CA6: variants seen among roughly 807,000 people sequenced by gnomAD.
The protein encoded by CA6 is carbonic anhydrase 6.
Under a neutral mutation model 35.9 loss-of-function variants are expected in CA6, and 28 were observed. That is an observed-to-expected ratio of 0.78 (90% CI 0.58 to 1.07). The LOEUF (loss-of-function observed/expected upper bound fraction) is 1.07, where lower values mean the gene tolerates loss of function less well. CA6 is among the 50% of genes least tolerant of loss of function. The probability of loss-of-function intolerance (pLI) is 0.00; values close to 1 mark genes in which losing one functional copy is unlikely to be tolerated. For synonymous variants in CA6, 148 were observed against 152.6 expected (o/e 0.97, Z 0.22); for missense variants, 377 against 382.0 (o/e 0.99, Z 0.11).
At chr1:8,958,191 A>G (rs1403143874) in intron 3 of CA6, among the ~76,000 whole-genome samples, 1 of 151,898 alleles carries the variant, frequency 6.6e-6, no homozygotes, top group East Asian at 1.9e-4. Flanking sequence ...TTCTTGAGAC[A>G]GAGTTTTGCT....
At chr1:8,962,547 TC>T (rs780117082) in intron 4 of CA6, 39 bp from the exon 5 acceptor site, 2 of 1,538,598 alleles carry the variant, frequency 1.3e-6, no homozygotes, top group Non-Finnish European at 1.8e-6. Context: ...TGCTGGGGCC[TC>T]TTCTTCACTT....
At chr1:8,973,024 C>A (rs12039348) in intron 7 of CA6, among the ~76,000 whole-genome samples, 1 of 152,180 alleles carries the variant, frequency 6.6e-6, no homozygotes, top group African/African-American at 2.4e-5. Context: ...ATGGGTCTGT[C>A]TCCTAATTCT....
intron 2 of CA6, among the ~76,000 whole-genome samples, chr1:8,955,774 C>A (rs1234546096): frequency 6.6e-6 from 1 of 151,668 alleles, no homozygotes; most frequent in Non-Finnish European, 1.5e-5. Context: ...CGGATTACTG[C>A]ATTATAGCAC....
chr1:8,964,697 A>C (rs1207093842), intron 5 of CA6, among the ~76,000 whole-genome samples: 1 of 152,152 alleles, frequency 6.6e-6, no homozygotes, highest in African/African-American at 2.4e-5. Context: ...CCCCTTGAAA[A>C]GGTCATAGAA....
At chr1:8,971,069 TA>T (rs2124193478) in intron 7 of CA6, 88 bp downstream of exon 7, 1 of 899,720 alleles carries the variant, frequency 1.1e-6, no homozygotes, top group South Asian at 1.3e-5. Context: ...TCTGGTGATA[TA>T]AGGGAAGGAG....
chr1:8,960,616 A>G (rs1448136266), intron 4 of CA6, among the ~76,000 whole-genome samples: 1 of 152,032 alleles, frequency 6.6e-6, no homozygotes, highest in South Asian at 2.1e-4. Context: ...CTGAGGCAGC[A>G]GAAGAAAAAA....
intron 7 of CA6, among the ~76,000 whole-genome samples, chr1:8,973,015 T>A (rs541071478): frequency 6.6e-6 from 1 of 152,086 alleles, no homozygotes; most frequent in Non-Finnish European, 1.5e-5. Flanking sequence ...CTTAGACTCA[T>A]GGGTCTGTCT....
intron 1 of CA6, 22 bp downstream of exon 1, chr1:8,945,987 G>A (rs774387619): frequency 5.2e-6 from 8 of 1,532,650 alleles, no homozygotes; most frequent in Non-Finnish European, 7.2e-6. Context: ...GCTTCTGCAT[G>A]CTCCCCCAGT....
chr1:8,968,093 G>A (rs1044694280), intron 6 of CA6, among the ~76,000 whole-genome samples: 5 of 147,430 alleles, frequency 3.4e-5, no homozygotes, highest in Non-Finnish European at 5.9e-5. Context: ...TCAGCCTCCC[G>A]AGTAGCTGGG....
intron 3 of CA6, among the ~76,000 whole-genome samples, chr1:8,957,760 G>T (rs957082453): frequency 1.4e-5 from 2 of 146,142 alleles, no homozygotes; most frequent in Non-Finnish European, 3.0e-5. Context: ...ATCAGCCTGG[G>T]CAATGTAGCG....
chr1:8,971,289 A>C (rs1396650615), intron 7 of CA6, among the ~76,000 whole-genome samples: 1 of 151,914 alleles, frequency 6.6e-6, no homozygotes, highest in Non-Finnish European at 1.5e-5. Context: ...AAGCTCTCAC[A>C]AGAGTGTAGG....
chr1:8,947,999 C>A (rs1639413587), intron 1 of CA6, among the ~76,000 whole-genome samples: 1 of 152,072 alleles, frequency 6.6e-6, no homozygotes, highest in Non-Finnish European at 1.5e-5. Flanking sequence ...CATGTGCCAC[C>A]ATGCCCGGCT....
chr1:8,969,034 T>A (rs1569723259), intron 6 of CA6, among the ~76,000 whole-genome samples: 1 of 130,764 alleles, frequency 7.6e-6, no homozygotes, highest in Admixed American at 7.9e-5. Context: ...AAAAAAAGTT[T>A]GCTGGGCACG....
rs1163115198 is a variant in CA6, at chr1:8,955,752, A to G, written c.260-1385A>G. Among the ~76,000 whole-genome samples, 24 of 146,858 alleles carry G rather than the reference A, an allele frequency of 1.6e-4. No homozygotes were observed. The Admixed American group carries it at 1.6e-3, about 10-fold the overall frequency. On this transcript the variant is annotated intron_variant, in intron 2 of 7. Transcript: ENST00000377443. ...TTTGTTCTGCCAAACAGCCGGTGAA[A>G]ACCTTTCAGGCCGGATTACTGCATT...
intron 2 of CA6, chr1:8,951,529 G>C (rs1294655544): frequency 2.6e-6 from 2 of 765,052 alleles, no homozygotes; most frequent in African/African-American, 3.4e-5. Context: ...TGGACAGCTG[G>C]TGGGAAGCAA....
intron 2 of CA6, among the ~76,000 whole-genome samples, chr1:8,956,837 C>G (rs12128796): frequency 0.07 from 10,607 of 152,290 alleles, 626 homozygotes; most frequent in African/African-American, 0.15. Context: ...GCTGGACCTG[C>G]CACTGTGTGG....
Position 8,948,311 on chromosome 1 carries a change from C to T in CA6, c.80-952C>T, listed in dbSNP as rs6577541. 2.0e-5 allele frequency among the ~76,000 whole-genome samples: 3 copies of T among 151,852 alleles called. No homozygotes were observed. The South Asian group carries it at 6.2e-4, about 31-fold the overall frequency. ...CTCACCTATGTTACTCTGTCCCCTA[C>T]GATTATCAACCCTCTCTGAAAAGAT... On this transcript the variant is annotated intron_variant, in intron 1 of 7. Transcript: ENST00000377443.
intron 7 of CA6, among the ~76,000 whole-genome samples, chr1:8,973,486 G>A (rs1640160854): frequency 6.6e-6 from 1 of 152,200 alleles, no homozygotes; most frequent in Non-Finnish European, 1.5e-5. Flanking sequence ...GGGGTCAGAT[G>A]TTCTAGGTAC....
In CA6 at chr1:8,974,932, C is replaced by A. The variant is rs977550691; in HGVS notation, c.*228C>A. On this transcript the variant is annotated 3_prime_UTR_variant, in exon 8 of 8. Coordinates refer to ENST00000377443, the MANE Select transcript of CA6 (RefSeq NM_001215.4). ...ATGAGACGGGATCTGAGTTAGACAT[C>A]ACCAGTGGAAATTGATTGGAATAGA... 2.0e-5 allele frequency: 8 copies of A among 402,132 alleles called. No homozygotes were observed. The highest frequency in any genetic ancestry group is 1.5e-4 in the African/African-American group (7 of 47,724). 24.9% of individuals were successfully genotyped at this position (402,132 alleles called of 1,614,324 possible). A position where few individuals can be genotyped will look rare whatever the true frequency, so the allele number is the denominator to read the frequency against.
Sources: allele counts gnomAD v4.1 joint callset (sites outside exome capture counted in the v4.1 genomes callset), GRCh38; gene constraint gnomAD v4.1.1; transcripts MANE v1.5; gene names NCBI Gene and HGNC (gene_info 2026-07-23, HGNC 2026-07-21).